PARPBP: variants seen among roughly 807,000 people sequenced by gnomAD.
PARPBP encodes PCNA-interacting partner.
PARPBP carries 52 observed loss-of-function variants against 50.0 expected under a neutral mutation model. The ratio of observed to expected loss-of-function variants is 1.04; its 90% confidence interval spans 0.83 to 1.31. The LOEUF (loss-of-function observed/expected upper bound fraction) is 1.31. Among genes scored for constraint, PARPBP ranks in the 50% most tolerant of loss-of-function variants. The pLI, the probability that PARPBP is intolerant of heterozygous loss-of-function variation, is 0.00. For missense variants in PARPBP, 697 were observed against 672.0 expected (o/e 1.04, Z -0.41); for synonymous variants, 244 against 232.1 (o/e 1.05, Z -0.47).
chr12:102,152,878 T>A (rs1452975789), intron 3 of PARPBP, among the ~76,000 whole-genome samples: 1 of 140,454 alleles, frequency 7.1e-6, no homozygotes, highest in Non-Finnish European at 1.5e-5. Flanking sequence ...AGAAAAATAT[T>A]AGGTAAAGAA....
intron 2 of PARPBP, among the ~76,000 whole-genome samples, chr12:102,145,535 A>C (rs1295209502): frequency 6.6e-6 from 1 of 152,138 alleles, no homozygotes; most frequent in African/African-American, 2.4e-5. Context: ...AAAAACCTTC[A>C]ACTTGTTCAC....
chr12:102,136,151 G>A (rs1467496548), intron 2 of PARPBP, among the ~76,000 whole-genome samples: 2 of 152,150 alleles, frequency 1.3e-5, no homozygotes, highest in African/African-American at 4.8e-5. Context: ...TGTTCACTCA[G>A]TAACTTAAGC....
Position 102,148,363 on chromosome 12 carries a change from A to T in PARPBP, c.287A>T (p.Asp96Val), listed in dbSNP as rs1885711044. 1 of 1,589,566 alleles carries T rather than the reference A, an allele frequency of 6.3e-7. No homozygotes were observed. Among genetic ancestry groups the T allele is most frequent in the African/African-American group, 1.3e-5 (1 of 74,462 alleles). The change falls in exon 3 of 11, where the codon GAT (aspartate) becomes GTT (valine). Residue 96 changes from aspartate to valine, a missense_variant. Asp to Val is a radical substitution (Grantham distance 152, BLOSUM62 -3). Transcript: ENST00000327680. ...TATGAGGACGTTAGGAAGATTTATG[A>T]TGATTTCTTGAAGAACAGTAATATG... ...DHYEDVRKIY[D>V]DFLKNSNMLD...
At chr12:102,136,473 T>A (rs1594463140) in intron 2 of PARPBP, among the ~76,000 whole-genome samples, 1 of 152,220 alleles carries the variant, frequency 6.6e-6, no homozygotes, top group Non-Finnish European at 1.5e-5. Context: ...CTGAAAAACA[T>A]TTAACCCTCA....
chr12:102,156,714 T>C (rs1369824516), intron 4 of PARPBP, among the ~76,000 whole-genome samples: 2 of 152,138 alleles, frequency 1.3e-5, no homozygotes, highest in Non-Finnish European at 2.9e-5. Context: ...CGATCTCCAC[T>C]TACTGCAACC....
chr12:102,128,636 A>G (rs1333593581), intron 2 of PARPBP, among the ~76,000 whole-genome samples: 1 of 152,164 alleles, frequency 6.6e-6, no homozygotes, highest in Non-Finnish European at 1.5e-5. Context: ...AGGTACATCC[A>G]TGTTGTTACA....
intron 2 of PARPBP, among the ~76,000 whole-genome samples, chr12:102,137,893 C>G (rs1293586409): frequency 6.6e-6 from 1 of 152,182 alleles, no homozygotes; most frequent in Non-Finnish European, 1.5e-5. Context: ...TTTTCTTAAT[C>G]CAGTCTATCA....
At chr12:102,126,829 GT>G (rs1003200158) in intron 2 of PARPBP, among the ~76,000 whole-genome samples, 1 of 151,990 alleles carries the variant, frequency 6.6e-6, no homozygotes, top group African/African-American at 2.4e-5. Flanking sequence ...TCTGTATCTT[GT>G]TTTTTTCCAT....
intron 4 of PARPBP, among the ~76,000 whole-genome samples, chr12:102,159,653 G>C (rs1887347756): frequency 6.6e-6 from 1 of 151,214 alleles, no homozygotes; most frequent in Non-Finnish European, 1.5e-5. Flanking sequence ...AAGTAATGAA[G>C]GGAATAATAG....
Position 102,175,567 on chromosome 12 carries a change from A to G in PARPBP, c.906A>G (p.Ile302Met). 2 of 1,612,960 alleles carry G rather than the reference A, an allele frequency of 1.2e-6. No homozygotes were observed. The highest frequency in any genetic ancestry group is 1.7e-6 in the Non-Finnish European group (2 of 1,178,942). Residue 302 changes from isoleucine to methionine, a missense_variant, in exon 7 of 11, where the codon ATA becomes ATG. Physicochemically the swap from Ile to Met is conservative, Grantham distance 10 (BLOSUM62 1). Coordinates refer to ENST00000327680, the MANE Select transcript of PARPBP (RefSeq NM_017915.5). The part of the protein sequence containing the change: ...QNSRDPFCKA[I>M]EEVAQDLDLR... The stretch of plus-strand genomic sequence containing the variant: ...GCAGGGATCCTTTTTGCAAAGCAAT[A>G]GAGGAAGTTGCTCAGGATTTGGATT...
chr12:102,178,692 C>T lies in PARPBP; in HGVS notation c.1106C>T (p.Thr369Ile), dbSNP rs754772526. ...LLDEEAANAPTKNKAELLYDE... is the reference protein window; with the variant it reads ...LLDEEAANAPIKNKAELLYDE... ...GACGAAGAAGCAGCTAATGCTCCTA[C>T]CAAAAACAAAGCAGAGCTTTTATAT... The change falls in exon 8 of 11, where the codon ACC becomes ATC. Residue 369 changes from threonine to isoleucine, a missense_variant. Coordinates refer to ENST00000327680, the MANE Select transcript of PARPBP (RefSeq NM_017915.5). The T allele has an allele frequency of 2.5e-6, 4 of 1,613,482 alleles. No individual in the cohort carries two copies. The highest frequency in any genetic ancestry group is 3.4e-6 in the Non-Finnish European group (4 of 1,179,632).
intron 2 of PARPBP, among the ~76,000 whole-genome samples, chr12:102,147,405 T>C (rs1235508306): frequency 3.3e-5 from 5 of 152,266 alleles, no homozygotes; most frequent in Non-Finnish European, 7.4e-5. Flanking sequence ...GATGAGTTCA[T>C]GTCCTTTGTA....
At chr12:102,151,453 T>C (rs1044620420) in intron 3 of PARPBP, 30 of 675,698 alleles carry the variant, frequency 4.4e-5, no homozygotes, top group South Asian at 1.5e-4. Flanking sequence ...TCTGCAGAAA[T>C]GGTCCTTAGT....
Position 102,137,586 on chromosome 12 carries a change from T to C in PARPBP, c.154-10644T>C, listed in dbSNP as rs528259657. 1.4e-3 allele frequency among the ~76,000 whole-genome samples: 213 copies of C among 152,170 alleles called. 1 individual carries two copies. The highest frequency in any genetic ancestry group is 4.8e-3 in the African/African-American group (199 of 41,484). Reference sequence around the variant, plus strand: ...TTGTTACATATGTACACATGTGCCATGTTGGTGTGCTGCACCCATTAACTC... The same window carrying C: ...TTGTTACATATGTACACATGTGCCACGTTGGTGTGCTGCACCCATTAACTC... On this transcript the variant is annotated intron_variant, in intron 2 of 10. Coordinates refer to ENST00000327680, the MANE Select transcript of PARPBP (RefSeq NM_017915.5).
chr12:102,140,085 A>G (rs182325296), intron 2 of PARPBP, among the ~76,000 whole-genome samples: 6 of 152,286 alleles, frequency 3.9e-5, no homozygotes, highest in Non-Finnish European at 8.8e-5. Flanking sequence ...TACCTCTGGT[A>G]GAATTTAGCT....
chr12:102,194,682 C>T (rs572735342), intron 9 of PARPBP, among the ~76,000 whole-genome samples: 1 of 151,930 alleles, frequency 6.6e-6, no homozygotes, highest in African/African-American at 2.4e-5. Context: ...GGATTTCTGA[C>T]CATTAAGTCA....
chr12:102,171,344 G>A (rs1888709595), intron 6 of PARPBP, among the ~76,000 whole-genome samples: 1 of 152,130 alleles, frequency 6.6e-6, no homozygotes, highest in South Asian at 2.1e-4. Flanking sequence ...AAACATGTGA[G>A]TGATGTGTTG....
chr12:102,197,104 A>T lies in PARPBP; in HGVS notation c.*813A>T. On this transcript the variant is annotated 3_prime_UTR_variant, in exon 11 of 11. Coordinates refer to ENST00000327680, the MANE Select transcript of PARPBP (RefSeq NM_017915.5). ...GAAAGCTACAGATCCTTTTAGTGCA[A>T]GATAAGGTTTTATAGCCAGATTCAG... 1 of 1,612,308 alleles carries T rather than the reference A, an allele frequency of 6.2e-7. No individual in the cohort carries two copies. Among genetic ancestry groups the T allele is most frequent in the East Asian group, 2.2e-5 (1 of 44,802 alleles).
At chr12:102,141,311 C>T (rs1017891787) in intron 2 of PARPBP, among the ~76,000 whole-genome samples, 2 of 147,738 alleles carry the variant, frequency 1.4e-5, no homozygotes, top group African/African-American at 5.0e-5. Context: ...GCAACCCCTG[C>T]TTTTTTTTTT....
Sources: gnomAD v4.1 joint callset for allele counts (sites outside exome capture counted in the v4.1 genomes callset) on GRCh38, gnomAD v4.1.1 for gene constraint, MANE v1.5 for transcripts, NCBI Gene and HGNC (gene_info 2026-07-23, HGNC 2026-07-21) for gene names.